The following SNRNP70 variants were observed in gnomAD, a reference collection of about 807,000 sequenced individuals.
SNRNP70 encodes small nuclear ribonucleoprotein U1 subunit 70.
SNRNP70 carries 8 observed loss-of-function variants against 50.5 expected under a neutral mutation model. The observed-to-expected ratio is 0.16, with a 90% CI of 0.09 to 0.29. SNRNP70 has a LOEUF of 0.29. SNRNP70 is among the 10% of genes least tolerant of loss of function. SNRNP70 has a pLI of 1.00. For missense variants in SNRNP70, 529 were observed against 663.5 expected (o/e 0.80, Z 2.23); for synonymous variants, 320 against 252.9 (o/e 1.27, Z -2.52).
rs374045311 is a variant in SNRNP70, at chr19:49,104,545, G to A, written c.476-89G>A. 1.0e-4 allele frequency: 102 copies of A among 977,436 alleles called. 1 individual carries two copies. The highest frequency in any genetic ancestry group is 5.5e-4 in the African/African-American group (34 of 61,930). 60.5% of individuals were successfully genotyped at this position (977,436 alleles called of 1,614,324 possible). A position where few individuals can be genotyped will look rare whatever the true frequency, so the allele number is the denominator to read the frequency against. On this transcript the variant is annotated intron_variant, in intron 7 of 9. Transcript: ENST00000598441. This position sits in a 1 kb window ranked among gnomAD's most constrained non-coding sequence, Gnocchi z 5.4. ...TGCGTGTGCGTGATGATGGGGACAC[G>A]GGGCGGGGATTCTGTAGAGCTGGGC...
chr19:49,101,488 G>C lies in SNRNP70; in HGVS notation c.475+17G>C. On this transcript the variant is annotated intron_variant, in intron 7 of 9. Coordinates refer to ENST00000598441, the MANE Select transcript of SNRNP70 (RefSeq NM_003089.6). ...ACATGCACTGTGAGTACCTCCCGCC[G>C]AGCCCTGCCCTCTGACCTGCTCTCA... is the stretch of plus-strand genomic sequence containing the variant. 2.5e-6 allele frequency: 4 copies of C among 1,595,982 alleles called. No homozygotes were observed. The highest frequency in any genetic ancestry group is 2.6e-6 in the Non-Finnish European group (3 of 1,163,684).
chr19:49,106,852 T>C (rs2040676220), intron 8 of SNRNP70, among the ~76,000 whole-genome samples: 1 of 152,172 alleles, frequency 6.6e-6, no homozygotes, highest in African/African-American at 2.4e-5. Context: ...CGCCACCTGC[T>C]GGTACCGTGA....
chr19:49,101,500 C>T, intron 7 of SNRNP70, 29 bp downstream of exon 7: 1 of 1,518,426 alleles, frequency 6.6e-7, no homozygotes, highest in South Asian at 1.1e-5. Context: ...GCCCTGCCCT[C>T]TGACCTGCTC....
intron 4 of SNRNP70, among the ~76,000 whole-genome samples, chr19:49,095,015 G>A (rs1033413886): frequency 8.5e-5 from 13 of 152,248 alleles, no homozygotes; most frequent in African/African-American, 1.9e-4. Flanking sequence ...GAGAGCTGCC[G>A]TCAGGGCGCT....
Position 49,104,571 on chromosome 19 carries a change from C to T in SNRNP70, c.476-63C>T, listed in dbSNP as rs1012198139. On this transcript the variant is annotated intron_variant, in intron 7 of 9. Coordinates refer to ENST00000598441, the MANE Select transcript of SNRNP70 (RefSeq NM_003089.6). This position sits in a 1 kb window ranked among gnomAD's most constrained non-coding sequence, Gnocchi z 5.4. ...GGGCGGGGATTCTGTAGAGCTGGGCCTGTCCTGACTAGAGGACCCTCTGGG... is the reference window on the plus strand; with the variant it reads ...GGGCGGGGATTCTGTAGAGCTGGGCTTGTCCTGACTAGAGGACCCTCTGGG... 3.8e-5 allele frequency: 48 copies of T among 1,255,696 alleles called. No individual in the cohort carries two copies. Among genetic ancestry groups the T allele is most frequent in the Non-Finnish European group, 5.0e-5 (44 of 879,438 alleles). The allele number at this position is 1,255,696 out of a possible 1,614,324, so 77.8% of individuals were successfully genotyped here.
intron 4 of SNRNP70, among the ~76,000 whole-genome samples, chr19:49,090,994 A>C (rs1392747713): frequency 6.6e-6 from 1 of 152,184 alleles, no homozygotes; most frequent in South Asian, 2.1e-4. Context: ...CTTTATTCTG[A>C]AAGTGAAAAC....
chr19:49,090,624 G>C, intron 4 of SNRNP70, 104 bp downstream of exon 4: 1 of 1,094,510 alleles, frequency 9.1e-7, no homozygotes, highest in Non-Finnish European at 1.4e-6. Flanking sequence ...CTGTGTTGTG[G>C]GGAACAGGGT....
chr19:49,090,595 C>T (rs1272971667), intron 4 of SNRNP70, 75 bp downstream of exon 4: 2 of 1,382,298 alleles, frequency 1.4e-6, no homozygotes, highest in East Asian at 4.6e-5. Flanking sequence ...TACCCAGGAC[C>T]CTGCTGTCTC....
chr19:49,100,806 CAAAAA>C (rs61621289), intron 6 of SNRNP70, among the ~76,000 whole-genome samples: 7 of 112,398 alleles, frequency 6.2e-5, no homozygotes, highest in Middle Eastern at 4.2e-3. Context: ...ACTCTGTCTC[CAAAAA>C]AAAAAAAAAA....
intron 2 of SNRNP70, among the ~76,000 whole-genome samples, chr19:49,089,109 G>A (rs967785505): frequency 8.5e-5 from 13 of 152,168 alleles, no homozygotes; most frequent in Admixed American, 6.5e-5. Context: ...ACTGTCTTTG[G>A]TGAAGGACAG....
intron 2 of SNRNP70, among the ~76,000 whole-genome samples, chr19:49,088,199 CTT>C (rs34075997): frequency 6.0e-4 from 57 of 94,884 alleles, no homozygotes; most frequent in African/African-American, 1.3e-3. Flanking sequence ...GAGCCAGGTA[CTT>C]TTTTTTTTTT....
chr19:49,096,076 TG>T (rs149818073), intron 4 of SNRNP70, among the ~76,000 whole-genome samples: 1,540 of 151,110 alleles, frequency 0.01, 27 homozygotes, highest in African/African-American at 0.036. Context: ...TTTTGTTTTT[TG>T]TTTTTTTTTT....
rs2040700369 is a variant in SNRNP70 at position 49,108,058 on chromosome 19, G to T, written c.929G>T (p.Arg310Leu). The change falls in exon 10 of 10, where the codon CGT becomes CTT. Residue 310 changes from arginine (R) to leucine (L), a missense_variant. Transcript: ENST00000598441. ...RRERERKEEL[R>L]GGGGDMAEPS... The stretch of plus-strand genomic sequence containing the variant: ...GAGCGGGAGCGCAAGGAGGAGCTGC[G>T]TGGCGGCGGTGGCGACATGGCGGAG... 6.4e-7 allele frequency: 1 copy of T among 1,551,192 alleles called. No individual in the cohort carries two copies. The highest frequency in any genetic ancestry group is 8.7e-7 in the Non-Finnish European group (1 of 1,148,460).
chr19:49,101,172 T>C (rs999440556), intron 6 of SNRNP70, among the ~76,000 whole-genome samples: 1 of 152,188 alleles, frequency 6.6e-6, no homozygotes, highest in African/African-American at 2.4e-5. Context: ...TCATCTCTCT[T>C]CTTTCTTTAG....
At position 49,108,275 on chromosome 19, in the gene SNRNP70, G is replaced by C. The variant is rs1358693277; in HGVS notation, c.1146G>C (p.Glu382Asp). 1 of 1,559,904 alleles carries C rather than the reference G, an allele frequency of 6.4e-7. No homozygotes were observed. The highest frequency in any genetic ancestry group is 8.7e-7 in the Non-Finnish European group (1 of 1,152,870). Reference protein sequence around the residue: ...RDRDREHKRGERGSERGRDEA... With the variant: ...RDRDREHKRGDRGSERGRDEA... ...GTGACCGCGAGCACAAACGGGGGGA[G>C]CGGGGCAGTGAGCGGGGCAGGGATG... Residue 382 changes from glutamate to aspartate, a missense_variant, in exon 10 of 10, where the codon GAG becomes GAC. Glu to Asp is a conservative substitution (Grantham distance 45). Transcript: ENST00000598441.
At position 49,104,678 on chromosome 19, in the gene SNRNP70, G is replaced by A. The variant is rs771477947; in HGVS notation, c.520G>A (p.Val174Ile). The A allele has an allele frequency of 1.9e-6, 3 of 1,561,528 alleles. 1 individual carries two copies. The South Asian group carries it at 3.5e-5, about 18-fold the overall frequency. The change falls in exon 8 of 10, where the codon GTC (valine) becomes ATC (isoleucine). Residue 174 changes from valine (V) to isoleucine (I), a missense_variant. Coordinates refer to ENST00000598441, the MANE Select transcript of SNRNP70 (RefSeq NM_003089.6). The surrounding 1 kb of genome is among the most constrained non-coding windows in gnomAD (Gnocchi z 5.4). ...TGGCAAGAAGATTGATGGCAGGAGG[G>A]TCCTTGTGGACGTGGAGAGGGGCCG... ...ADGKKIDGRR[V>I]LVDVERGRTV...
Position 49,086,513 on chromosome 19 carries a change from C to A in SNRNP70, c.99C>A (p.His33Gln), listed in dbSNP as rs1447642565. 2.5e-6 allele frequency: 4 copies of A among 1,614,096 alleles called. No individual in the cohort carries two copies. ...TGGAGAAACTGCCACATGAAAAACA[C>A]CACAATCAACCTTATTGTGGCATTG... is the stretch of plus-strand genomic sequence containing the variant. ...PPLEKLPHEK[H>Q]HNQPYCGIAP... Residue 33 changes from histidine to glutamine, a missense_variant, in exon 2 of 10, where the codon CAC (histidine) becomes CAA (glutamine). By Grantham distance (24) the His-to-Gln change is conservative (BLOSUM62 0). Around this residue, in one of 4 missense-constraint regions of SNRNP70, gnomAD observed 149 missense variants for 259.7 expected, o/e 0.57. Transcript: ENST00000598441.
In SNRNP70 at chr19:49,097,985, G is replaced by T. The variant is rs369535777; in HGVS notation, c.266-442G>T. On this transcript the variant is annotated intron_variant, in intron 4 of 9. Coordinates refer to ENST00000598441, the MANE Select transcript of SNRNP70 (RefSeq NM_003089.6). ...TTCCTGTGGGCTGTAGTTGCAGTCT[G>T]TGTCCAGTAGGTGGCAGTGTGGCCC... Among the ~76,000 whole-genome samples the T allele has an allele frequency of 5.9e-5, 9 of 152,364 alleles. No individual in the cohort carries two copies. The East Asian group carries it at 1.7e-3, about 29-fold the overall frequency.
intron 2 of SNRNP70, 41 bp downstream of exon 2, chr19:49,086,602 G>A: frequency 6.3e-7 from 1 of 1,597,328 alleles, no homozygotes; most frequent in East Asian, 2.3e-5. Context: ...TGGGTTCTGG[G>A]GAGCAACGGG....
Sources: gnomAD v4.1 joint callset for allele counts (sites outside exome capture counted in the v4.1 genomes callset) on GRCh38, gnomAD v4.1.1 for gene constraint, gnomAD v4.1.1 regional missense constraint, Gnocchi (gnomAD v3.1) non-coding constraint, MANE v1.5 for transcripts, NCBI Gene and HGNC (gene_info 2026-07-23, HGNC 2026-07-21) for gene names.